PSD3: variants seen among roughly 807,000 people sequenced by gnomAD.
The protein encoded by PSD3 is pleckstrin and Sec7 domain containing 3, also known as PH and SEC7 domain-containing protein 3.
PSD3 carries 49 observed loss-of-function variants against 105.5 expected under a neutral mutation model. The ratio of observed to expected loss-of-function variants is 0.46; its 90% confidence interval spans 0.37 to 0.59. The LOEUF is 0.59. Ranked by LOEUF, PSD3 falls within the 20% of genes least tolerant of loss-of-function variation. The pLI is 0.00. For missense variants in PSD3, 1,561 were observed against 1,263.8 expected (o/e 1.24, Z -3.57); for synonymous variants, 557 against 457.8 (o/e 1.22, Z -2.77).
At chr8:18,632,506 T>C (rs538837359) in intron 11 of PSD3, 107 bp downstream of exon 11, 6 of 1,234,742 alleles carry the variant, frequency 4.9e-6, no homozygotes, top group Admixed American at 4.9e-5. Flanking sequence ...AATGTGTCTA[T>C]AGATAAACAT....
chr8:19,010,487 C>T (rs1283838486), intron 1 of PSD3, among the ~76,000 whole-genome samples: 9 of 152,194 alleles, frequency 5.9e-5, no homozygotes, highest in Admixed American at 3.9e-4. Flanking sequence ...GAGGCATGGA[C>T]ATTTGGTAAT....
chr8:18,612,152 T>C (rs983255152), intron 11 of PSD3, among the ~76,000 whole-genome samples: 2 of 143,714 alleles, frequency 1.4e-5, no homozygotes, highest in East Asian at 3.9e-4. Flanking sequence ...ACAATCCTAC[T>C]AAATTTCTTT....
At position 18,799,303 on chromosome 8, in the gene PSD3, G is replaced by A. The variant is rs368038023; in HGVS notation, c.2074C>T (p.His692Tyr). The A allele has an allele frequency of 7.5e-6, 12 of 1,604,446 alleles. No homozygotes were observed. Among genetic ancestry groups the A allele is most frequent in the Non-Finnish European group, 7.7e-6 (9 of 1,171,472 alleles). Residue 692 changes from histidine (H) to tyrosine (Y), a missense_variant, in exon 8 of 16, where the codon CAT becomes TAT. His to Tyr is a moderately conservative substitution (Grantham distance 83, BLOSUM62 2). Transcript: ENST00000327040. Reference protein sequence around the residue: ...CAIMLLNTDLHGHNIGKKMTC... With the variant: ...CAIMLLNTDLYGHNIGKKMTC... The stretch of plus-strand genomic sequence containing the variant: ...CACAAATCCACACTTACGTGGCCAT[G>A]TAGATCGGTATTAAGAAGCATTATT...
At chr8:18,777,766 A>G (rs1364574571) in intron 8 of PSD3, among the ~76,000 whole-genome samples, 1 of 152,104 alleles carries the variant, frequency 6.6e-6, no homozygotes, top group East Asian at 1.9e-4. Context: ...TATTCCTTCT[A>G]ACTATATGTT....
chr8:18,879,051 A>AACACACACACACACACACACACACAC (rs59598569), intron 2 of PSD3, among the ~76,000 whole-genome samples: 8 of 138,646 alleles, frequency 5.8e-5, no homozygotes, highest in South Asian at 2.4e-4. Context: ...CACACACACA[A>AACACACACACACACACACACACACAC]ACACACACAC....
intron 11 of PSD3, among the ~76,000 whole-genome samples, chr8:18,601,741 G>C (rs1181221683): frequency 8.5e-5 from 13 of 152,118 alleles, no homozygotes; most frequent in African/African-American, 2.7e-4. Context: ...AAGCAACTAA[G>C]ATAAACAGAT....
intron 11 of PSD3, among the ~76,000 whole-genome samples, chr8:18,611,388 GAC>G (rs1805253127): frequency 6.6e-6 from 1 of 152,086 alleles, no homozygotes; most frequent in African/African-American, 2.4e-5. Flanking sequence ...CCTTTAGCAA[GAC>G]AGCCTAAGAA....
At chr8:18,584,182 C>G (rs1214932290) in intron 12 of PSD3, among the ~76,000 whole-genome samples, 2 of 152,120 alleles carry the variant, frequency 1.3e-5, no homozygotes. Context: ...AGTGGAAAGT[C>G]TCATATCCCA....
chr8:18,939,784 C>G (rs1469523961), intron 1 of PSD3, among the ~76,000 whole-genome samples: 3 of 152,192 alleles, frequency 2.0e-5, no homozygotes, highest in Non-Finnish European at 2.9e-5. Flanking sequence ...ACTATTGTTT[C>G]TCAAATTGCA....
chr8:18,906,108 T>C (rs1043135499), intron 2 of PSD3, among the ~76,000 whole-genome samples: 14 of 152,238 alleles, frequency 9.2e-5, no homozygotes, highest in Admixed American at 3.9e-4. Context: ...CTGATTTTTC[T>C]GTTCTTTAAG....
chr8:18,743,133 C>G (rs577184902), intron 9 of PSD3, among the ~76,000 whole-genome samples: 1 of 152,140 alleles, frequency 6.6e-6, no homozygotes, highest in Non-Finnish European at 1.5e-5. Flanking sequence ...GAACAAAGGG[C>G]AAACCTCCCC....
chr8:18,913,996 G>A (rs552895825), intron 2 of PSD3, among the ~76,000 whole-genome samples: 68 of 151,984 alleles, frequency 4.5e-4, no homozygotes, highest in African/African-American at 1.5e-3. Context: ...CACAAGCTCC[G>A]GGCCCATCAG....
chr8:18,792,736 A>G (rs989170460), intron 8 of PSD3, among the ~76,000 whole-genome samples: 35 of 152,184 alleles, frequency 2.3e-4, no homozygotes, highest in Non-Finnish European at 4.1e-4. Flanking sequence ...TGGGACTGTA[A>G]ACTAGTTCAA....
At chr8:18,925,213 C>A (rs955881274) in intron 2 of PSD3, among the ~76,000 whole-genome samples, 1 of 152,046 alleles carries the variant, frequency 6.6e-6, no homozygotes, top group African/African-American at 2.4e-5. Context: ...ACAGCCAAAC[C>A]CCATCTCTAC....
At chr8:18,724,187 G>C (rs1162636479) in intron 9 of PSD3, among the ~76,000 whole-genome samples, 1 of 152,188 alleles carries the variant, frequency 6.6e-6, no homozygotes, top group Non-Finnish European at 1.5e-5. Flanking sequence ...CTCAGCATCA[G>C]GACGAGTAGA....
intron 8 of PSD3, among the ~76,000 whole-genome samples, chr8:18,771,980 T>G (rs768058519): frequency 2.6e-5 from 4 of 152,230 alleles, no homozygotes; most frequent in Non-Finnish European, 5.9e-5. Context: ...TGGAATCATA[T>G]TTTTTCTTTT....
At chr8:19,027,905 G>A (rs1827615504) in intron 1 of PSD3, among the ~76,000 whole-genome samples, 1 of 152,116 alleles carries the variant, frequency 6.6e-6, no homozygotes, top group Non-Finnish European at 1.5e-5. Flanking sequence ...GAACATCTAT[G>A]TTTAATTTTT....
At chr8:18,614,402 T>C (rs1474881441) in intron 11 of PSD3, among the ~76,000 whole-genome samples, 1 of 128,180 alleles carries the variant, frequency 7.8e-6, no homozygotes, top group Non-Finnish European at 1.7e-5. Flanking sequence ...TCAACAAATA[T>C]TACCGGGAAT....
exon 1 of PSD3, chr8:19,084,355 C>T (rs1829740889): frequency 4.4e-6 from 2 of 456,162 alleles, no homozygotes; most frequent in Non-Finnish European, 4.4e-6. Context: ...GTCTCGGCGC[C>T]TCTCCTCAGC....
Sources: allele counts gnomAD v4.1 joint callset (sites outside exome capture counted in the v4.1 genomes callset), GRCh38; gene constraint gnomAD v4.1.1; transcripts MANE v1.5; gene names NCBI Gene and HGNC (gene_info 2026-07-23, HGNC 2026-07-21).